Variants in KRT8 observed in about 807,000 individuals in gnomAD.
The protein encoded by KRT8 is keratin 8.
In KRT8, 24 loss-of-function variants were observed where a neutral mutation model predicts 43.0. The ratio of observed to expected loss-of-function variants is 0.56; its 90% CI spans 0.40 to 0.78. The LOEUF (loss-of-function observed/expected upper bound fraction) is 0.78. Among genes scored for constraint, KRT8 ranks in the 30% least tolerant of loss-of-function variants. The probability of loss-of-function intolerance (pLI) is 0.00; values close to 1 mark genes in which losing one functional copy is unlikely to be tolerated. For missense variants in KRT8, 492 were observed against 638.4 expected (o/e 0.77, Z 2.47); for synonymous variants, 214 against 261.2 (o/e 0.82, Z 1.74).
exon 2 of KRT8, chr12:52,949,579 C>G: frequency 6.2e-7 from 1 of 1,613,838 alleles, no homozygotes; most frequent in Non-Finnish European, 8.5e-7. Context: ...CATCGAGGAC[C>G]TGAGGGCTCA....
At chr12:52,928,080 G>A (rs1942023235) in intron 2 of KRT8, among the ~76,000 whole-genome samples, 2 of 152,150 alleles carry the variant, frequency 1.3e-5, no homozygotes, top group Non-Finnish European at 2.9e-5. Flanking sequence ...CAAAAACAGG[G>A]AGCGCTCTTG....
intron 2 of KRT8, among the ~76,000 whole-genome samples, chr12:52,941,582 G>C (rs1942270508): frequency 7.0e-6 from 1 of 142,728 alleles, no homozygotes; most frequent in Non-Finnish European, 1.5e-5. Flanking sequence ...TCCACCTCCT[G>C]GATTCAAGCA....
chr12:52,906,622 A>C (rs771832567), upstream of KRT8: 4 of 449,532 alleles, frequency 8.9e-6, no homozygotes, highest in East Asian at 2.8e-4. Context: ...TTAGGTCCCC[A>C]AGGCAGAGAT....
At chr12:52,933,810 A>C (rs1942122548) in intron 2 of KRT8, among the ~76,000 whole-genome samples, 2 of 151,740 alleles carry the variant, frequency 1.3e-5, no homozygotes, top group Non-Finnish European at 2.9e-5. Flanking sequence ...TTTTTAGTAG[A>C]GACGGGGTTT....
intron 2 of KRT8, among the ~76,000 whole-genome samples, chr12:52,913,585 C>T: frequency 6.7e-6 from 1 of 148,790 alleles, no homozygotes; most frequent in Non-Finnish European, 1.5e-5. Context: ...GCCCACCCCC[C>T]ACCCTGTGGG....
intron 2 of KRT8, among the ~76,000 whole-genome samples, chr12:52,926,904 T>A (rs764581739): frequency 7.2e-5 from 11 of 151,908 alleles, no homozygotes; most frequent in Admixed American, 4.0e-4. Context: ...TCTGCTTCCC[T>A]CCACACCCAG....
chr12:52,915,813 G>A (rs1297963466), intron 2 of KRT8, among the ~76,000 whole-genome samples: 1 of 152,120 alleles, frequency 6.6e-6, no homozygotes, highest in Admixed American at 6.5e-5. Flanking sequence ...CACCAATAAA[G>A]ACGTGGAACC....
intron 2 of KRT8, among the ~76,000 whole-genome samples, chr12:52,922,254 G>A (rs976014603): frequency 4.3e-5 from 6 of 138,522 alleles, no homozygotes; most frequent in Admixed American, 2.3e-4. Context: ...ACTGGACCCC[G>A]TCTGCCTCCA....
rs78782374 is a variant in KRT8 at position 52,912,415 on chromosome 12, G to A, written c.-46-7388C>T. ...TTCATGGTTTAGAAAACACCCCTCA[G>A]TCATCCCTTTAAAAACCCACAACTC... On this transcript the variant is annotated intron_variant, in intron 2 of 6. Transcript: ENST00000546826. Among the ~76,000 whole-genome samples the A allele has an allele frequency of 7.2e-3, 1,101 of 152,296 alleles. 15 individuals are homozygous for A. Among genetic ancestry groups the A allele is most frequent in the African/African-American group, 0.025 (1,037 of 41,562 alleles).
intron 2 of KRT8, among the ~76,000 whole-genome samples, chr12:52,945,698 G>A (rs1442237601): frequency 9.2e-5 from 14 of 152,054 alleles, no homozygotes; most frequent in Admixed American, 9.2e-4. Context: ...CCCTTCTGCT[G>A]GACGCTGGAA....
chr12:52,944,417 C>T (rs1353389684), intron 2 of KRT8, among the ~76,000 whole-genome samples: 1 of 152,170 alleles, frequency 6.6e-6, no homozygotes, highest in Non-Finnish European at 1.5e-5. Flanking sequence ...ACACCAAGTG[C>T]CCTATTCATC....
At chr12:52,899,366 G>A (rs1235643135) in intron 5 of KRT8, among the ~76,000 whole-genome samples, 1 of 152,056 alleles carries the variant, frequency 6.6e-6, no homozygotes, top group Admixed American at 6.6e-5. Flanking sequence ...AGGGAGACAT[G>A]AGCAGTTTCC....
At chr12:52,941,688 A>G (rs1473425738) in intron 2 of KRT8, among the ~76,000 whole-genome samples, 1 of 151,856 alleles carries the variant, frequency 6.6e-6, no homozygotes, top group Non-Finnish European at 1.5e-5. Flanking sequence ...GGGTTTCTCC[A>G]TGTTGGTCAG....
intron 2 of KRT8, among the ~76,000 whole-genome samples, chr12:52,928,828 C>T (rs1323960420): frequency 6.6e-6 from 1 of 152,136 alleles, no homozygotes; most frequent in Non-Finnish European, 1.5e-5. Flanking sequence ...ATCGCTTGAC[C>T]CCGGGAGGTG....
exon 6 of KRT8, chr12:52,898,802 A>G (rs768679214): frequency 1.9e-6 from 3 of 1,614,106 alleles, no homozygotes; most frequent in Non-Finnish European, 8.5e-7. Flanking sequence ...GGCCCGCTGC[A>G]GGGCGGCCTC....
At chr12:52,905,704 G>C (rs1187518890), upstream of KRT8, among the ~76,000 whole-genome samples, 1 of 145,042 alleles carries the variant, frequency 6.9e-6, no homozygotes, top group Non-Finnish European at 1.5e-5. Flanking sequence ...ATAAATGAGT[G>C]AATAAACATC....
At chr12:52,945,766 G>A (rs564274989) in intron 2 of KRT8, among the ~76,000 whole-genome samples, 4 of 152,154 alleles carry the variant, frequency 2.6e-5, no homozygotes, top group Admixed American at 6.5e-5. Flanking sequence ...CCCCCCTGCC[G>A]AGGCTCATTA....
In KRT8 at chr12:52,938,170, A is replaced by ATATATATT. The variant is rs1555189967; in HGVS notation, c.-47+11285_-47+11286insAATATATA. On this transcript the variant is annotated intron_variant, in intron 2 of 6. Transcript: ENST00000546826. ...TATATATATATATATATATATATAT[A>ATATATATT]TTTTTTTTTTTTTTTATATATAAGG... Among the ~76,000 whole-genome samples, 88 of 30,248 alleles carry ATATATATT rather than the reference A, an allele frequency of 2.9e-3. 1 individual carries two copies. The highest frequency in any genetic ancestry group is 4.0e-3 in the Non-Finnish European group (67 of 16,908). The allele number at this position is 30,248 out of a possible 152,430, so 19.8% of individuals were successfully genotyped here.
At chr12:52,906,991 T>TACACAC (rs112479898), upstream of KRT8, 1,142 of 292,516 alleles carry the variant, frequency 3.9e-3, 17 homozygotes, top group East Asian at 0.035. Flanking sequence ...CACGCGTGCA[T>TACACAC]ACACACACAC....
Sources: gnomAD v4.1 joint callset for allele counts (sites outside exome capture counted in the v4.1 genomes callset) on GRCh38, gnomAD v4.1.1 for gene constraint, MANE v1.5 for transcripts, NCBI Gene and HGNC (gene_info 2026-07-23, HGNC 2026-07-21) for gene names.